The following NBEA variants were observed in gnomAD, a reference collection of about 807,000 sequenced individuals.
NBEA encodes the protein lysosomal-trafficking regulator 2.
A neutral mutation model predicts 343.4 loss-of-function variants in NBEA; 44 were observed. The observed-to-expected ratio is 0.13, with a 90% CI of 0.10 to 0.16. The LOEUF (loss-of-function observed/expected upper bound fraction) is 0.16, where lower values mean the gene tolerates loss of function less well. Ranked by LOEUF, NBEA falls within the 10% of genes least tolerant of loss-of-function variation. The pLI is 1.00. For missense variants in NBEA, 2,555 were observed against 3,631.3 expected (o/e 0.70, Z 7.62); for synonymous variants, 1,175 against 1,238.7 (o/e 0.95, Z 1.08).
chr13:35,235,709 A>T (rs146306853), intron 34 of NBEA, among the ~76,000 whole-genome samples: 1 of 152,320 alleles, frequency 6.6e-6, no homozygotes, highest in African/African-American at 2.4e-5. Context: ...ATGACCACAC[A>T]TTCACATTGT....
intron 41 of NBEA, chr13:35,477,266 G>A (rs1396744887): frequency 6.0e-6 from 1 of 165,898 alleles, no homozygotes; most frequent in Non-Finnish European, 1.5e-5. Flanking sequence ...ACGTTATGGA[G>A]GTAGTATGCT....
chr13:35,367,696 G>C (rs1275677840), intron 38 of NBEA, among the ~76,000 whole-genome samples: 1 of 151,402 alleles, frequency 6.6e-6, no homozygotes, highest in Non-Finnish European at 1.5e-5. Flanking sequence ...TTTTATGCCT[G>C]TTTTGAGTCT....
At chr13:35,217,424 G>C (rs762219394) in intron 33 of NBEA, among the ~76,000 whole-genome samples, 2 of 151,982 alleles carry the variant, frequency 1.3e-5, no homozygotes, top group Non-Finnish European at 2.9e-5. Context: ...TTGGTGTCAT[G>C]TCTAAGAGCT....
intron 13 of NBEA, among the ~76,000 whole-genome samples, chr13:35,112,418 T>G (rs1397625466): frequency 6.6e-6 from 1 of 152,126 alleles, no homozygotes; most frequent in Non-Finnish European, 1.5e-5. Context: ...TACATAAGAC[T>G]GCATCTATAT....
intron 21 of NBEA, among the ~76,000 whole-genome samples, chr13:35,157,779 T>C (rs1414170462): frequency 6.6e-6 from 1 of 152,064 alleles, no homozygotes; most frequent in Non-Finnish European, 1.5e-5. Context: ...AAATAGTGAA[T>C]TAAACTGTAC....
chr13:35,257,901 TA>T (rs1485494292), intron 34 of NBEA, among the ~76,000 whole-genome samples: 2 of 152,154 alleles, frequency 1.3e-5, no homozygotes, highest in Admixed American at 1.3e-4. Flanking sequence ...TTTCACAATC[TA>T]AAATGAGTTA....
intron 34 of NBEA, among the ~76,000 whole-genome samples, chr13:35,287,963 T>G (rs2035544489): frequency 6.6e-6 from 1 of 151,836 alleles, no homozygotes; most frequent in Non-Finnish European, 1.5e-5. Context: ...CTATATAAAT[T>G]TTATGTAATC....
intron 33 of NBEA, among the ~76,000 whole-genome samples, chr13:35,222,198 A>G (rs1026062615): frequency 6.6e-6 from 1 of 152,100 alleles, no homozygotes; most frequent in South Asian, 2.1e-4. Context: ...CCTTAATTAT[A>G]TAATAGAAAA....
At chr13:34,973,831 C>T (rs1446307858) in intron 1 of NBEA, among the ~76,000 whole-genome samples, 1 of 152,140 alleles carries the variant, frequency 6.6e-6, no homozygotes, top group Non-Finnish European at 1.5e-5. Context: ...AGCCCCCTTC[C>T]CAGGGGTATG....
At chr13:35,275,118 T>C (rs1203845904) in intron 34 of NBEA, among the ~76,000 whole-genome samples, 2 of 152,190 alleles carry the variant, frequency 1.3e-5, no homozygotes, top group Non-Finnish European at 2.9e-5. Context: ...GCTACAAGGC[T>C]ACAGTAACCA....
intron 28 of NBEA, among the ~76,000 whole-genome samples, chr13:35,181,800 T>C (rs2152730483): frequency 6.6e-6 from 1 of 151,956 alleles, no homozygotes; most frequent in Admixed American, 6.6e-5. Flanking sequence ...GAATTAGCTT[T>C]TTCTTATGCT....
chr13:35,442,101 A>T (rs1355030937), intron 39 of NBEA, among the ~76,000 whole-genome samples: 1 of 152,094 alleles, frequency 6.6e-6, no homozygotes, highest in South Asian at 2.1e-4. Flanking sequence ...GGAAATACCA[A>T]CAAAAGTGCC....
intron 1 of NBEA, among the ~76,000 whole-genome samples, chr13:35,004,551 T>G (rs981085002): frequency 2.6e-5 from 4 of 152,226 alleles, no homozygotes; most frequent in Non-Finnish European, 5.9e-5. Context: ...TAGTTTCTTT[T>G]TTCATTTATG....
intron 11 of NBEA, among the ~76,000 whole-genome samples, chr13:35,101,557 C>T (rs564184158): frequency 6.6e-6 from 1 of 151,374 alleles, no homozygotes; most frequent in East Asian, 1.9e-4. Context: ...TGATATGTGT[C>T]TTATTATTGA....
At chr13:35,117,651 AACTT>A (rs2152669144) in intron 14 of NBEA, among the ~76,000 whole-genome samples, 158 bp downstream of exon 14, 1 of 152,116 alleles carries the variant, frequency 6.6e-6, no homozygotes, top group East Asian at 1.9e-4. Context: ...GAACTTAACT[AACTT>A]CTGATTAAAT....
intron 36 of NBEA, among the ~76,000 whole-genome samples, chr13:35,318,472 GC>G (rs1413398713): frequency 6.6e-6 from 1 of 152,162 alleles, no homozygotes; most frequent in Non-Finnish European, 1.5e-5. Flanking sequence ...TGGTGGATAA[GC>G]TTTTTGATGT....
intron 1 of NBEA, among the ~76,000 whole-genome samples, chr13:35,034,385 C>A (rs2062360150): frequency 2.0e-5 from 3 of 151,744 alleles, no homozygotes; most frequent in Non-Finnish European, 4.4e-5. Flanking sequence ...GGTGATCTTT[C>A]TAATGTATTG....
chr13:35,493,609 T>G (rs190251023), intron 41 of NBEA, among the ~76,000 whole-genome samples: 31 of 152,088 alleles, frequency 2.0e-4, no homozygotes, highest in African/African-American at 7.5e-4. Flanking sequence ...ATAACTTTCT[T>G]TAGTTTCCCA....
chr13:35,483,438 A>G (rs897523382), intron 41 of NBEA, among the ~76,000 whole-genome samples: 10 of 152,122 alleles, frequency 6.6e-5, no homozygotes, highest in Non-Finnish European at 1.3e-4. Flanking sequence ...TAAAGAGTTT[A>G]TTAGATCTAA....
Sources: allele counts gnomAD v4.1 joint callset (sites outside exome capture counted in the v4.1 genomes callset), GRCh38; gene constraint gnomAD v4.1.1; transcripts MANE v1.5; gene names NCBI Gene and HGNC (gene_info 2026-07-23, HGNC 2026-07-21).